Variants in IL6ST observed in about 807,000 individuals in gnomAD.
IL6ST encodes the protein interleukin 6 cytokine family signal transducer, also known as interleukin-6 receptor subunit beta.
Under a neutral mutation model 91.3 loss-of-function variants are expected in IL6ST, and 24 were observed. The ratio of observed to expected loss-of-function variants is 0.26; its 90% CI spans 0.19 to 0.37. IL6ST has a LOEUF of 0.37. Among genes scored for constraint, IL6ST ranks in the 10% least tolerant of loss-of-function variants. The pLI, the probability that IL6ST is intolerant of heterozygous loss-of-function variation, is 1.00. For synonymous variants in IL6ST, 351 were observed against 373.6 expected, an observed-to-expected ratio of 0.94 and a Z score of 0.70; for missense variants, 914 against 1,078.5, an observed-to-expected ratio of 0.85 and a Z score of 2.14.
chr5:55,957,411 C>A, intron 8 of IL6ST, 120 bp from the exon 9 acceptor site: 1 of 497,430 alleles, frequency 2.0e-6, no homozygotes, highest in Non-Finnish European at 3.5e-6. Context: ...GGTGTCTCTA[C>A]CTCTTTATAC....
chr5:55,971,126 A>C (rs1752941777), intron 3 of IL6ST, among the ~76,000 whole-genome samples: 2 of 152,168 alleles, frequency 1.3e-5, no homozygotes, highest in Non-Finnish European at 2.9e-5. Flanking sequence ...CAAAACTATT[A>C]TGTATCATAA....
intron 8 of IL6ST, chr5:55,959,530 G>A: frequency 2.1e-6 from 1 of 467,312 alleles, no homozygotes; most frequent in South Asian, 2.2e-5. Context: ...GCTTTGCAGT[G>A]AGGATCTTAC....
At chr5:55,945,735 A>G (rs1459625782) in intron 15 of IL6ST, among the ~76,000 whole-genome samples, 1 of 117,976 alleles carries the variant, frequency 8.5e-6, no homozygotes, top group African/African-American at 3.2e-5. Flanking sequence ...ACTGCAACCC[A>G]TGCCTCCTGG....
intron 9 of IL6ST, among the ~76,000 whole-genome samples, chr5:55,956,849 CATA>C (rs1426776482): frequency 2.0e-5 from 3 of 152,088 alleles, no homozygotes; most frequent in African/African-American, 7.2e-5. Flanking sequence ...GACCTCCATT[CATA>C]ATACCATACA....
At chr5:55,966,862 A>G (rs1752662253) in intron 5 of IL6ST, among the ~76,000 whole-genome samples, 1 of 152,154 alleles carries the variant, frequency 6.6e-6, no homozygotes, top group Non-Finnish European at 1.5e-5. Flanking sequence ...CCACTGCTCA[A>G]TCTTAGTATC....
intron 2 of IL6ST, among the ~76,000 whole-genome samples, chr5:55,979,709 C>T (rs1320145217): frequency 6.6e-6 from 1 of 152,152 alleles, no homozygotes; most frequent in African/African-American, 2.4e-5. Flanking sequence ...AAAAGCTCTA[C>T]CCAAACAAGG....
Position 55,940,281 on chromosome 5 carries a change from T to C in IL6ST, c.*801A>G, listed in dbSNP as rs1160620969. 1.9e-5 allele frequency: 4 copies of C among 212,938 alleles called. No homozygotes were observed. Among genetic ancestry groups the C allele is most frequent in the Admixed American group, 5.9e-5 (1 of 17,094 alleles). 13.2% of individuals were successfully genotyped at this position (212,938 alleles called of 1,614,324 possible). On this transcript the variant is annotated 3_prime_UTR_variant, in exon 17 of 17. Transcript: ENST00000381298. ...CAATTTAAGCCTTTAAAAATGGCAA[T>C]TTTTTAGATGCTTGAGATAGTTTGG...
At chr5:55,974,152 A>C (rs906249337) in intron 3 of IL6ST, among the ~76,000 whole-genome samples, 2 of 152,206 alleles carry the variant, frequency 1.3e-5, no homozygotes, top group African/African-American at 4.8e-5. Context: ...GATCAAAGTA[A>C]GTATGAGTGC....
chr5:55,953,088 CT>C (rs1751743693), intron 11 of IL6ST, among the ~76,000 whole-genome samples: 1 of 151,928 alleles, frequency 6.6e-6, no homozygotes, highest in African/African-American at 2.4e-5. Context: ...AACAAACTTC[CT>C]TTATTTTTAT....
rs116597813 is a variant in IL6ST at position 55,943,239 on chromosome 5, A to G, written c.1938-488T>C. Reference sequence around the variant, plus strand: ...AATACCTATAACATTTGGAAGTAATATAAAAAGTAGTAAAGCTGACAACCT... The same window carrying G: ...AATACCTATAACATTTGGAAGTAATGTAAAAAGTAGTAAAGCTGACAACCT... On this transcript the variant is annotated intron_variant, in intron 15 of 16. Transcript: ENST00000381298. Among the ~76,000 whole-genome samples the G allele has an allele frequency of 3.4e-3, 518 of 152,328 alleles. 2 individuals are homozygous for G. Among genetic ancestry groups the G allele is most frequent in the African/African-American group, 0.012 (496 of 41,584 alleles).
Position 55,937,040 on chromosome 5 carries a change from TC to T in IL6ST, c.*4041del. The stretch of plus-strand genomic sequence containing the variant: ...TTTTCAAATATCTACCTTTGAAATA[TC>T]CCTTTGTTTCTAACACATCACATTA... On this transcript the variant is annotated 3_prime_UTR_variant, in exon 17 of 17. Transcript: ENST00000381298. The T allele has an allele frequency of 5.0e-6, 1 of 200,936 alleles. No individual in the cohort carries two copies. Among genetic ancestry groups the T allele is most frequent in the Non-Finnish European group, 1.0e-5 (1 of 97,338 alleles). The allele number at this position is 200,936 out of a possible 1,614,324, so 12.4% of individuals were successfully genotyped here.
At chr5:55,944,653 G>A (rs995195615) in intron 15 of IL6ST, 12 of 988,992 alleles carry the variant, frequency 1.2e-5, no homozygotes, top group East Asian at 2.8e-5. Context: ...AAACCTCGGC[G>A]CCATGAGAGC....
chr5:55,965,869 C>T (rs1752601808), intron 5 of IL6ST, among the ~76,000 whole-genome samples: 3 of 148,580 alleles, frequency 2.0e-5, no homozygotes, highest in African/African-American at 7.4e-5. Flanking sequence ...TGCCACTGAT[C>T]AAAGATGGGA....
chr5:55,990,231 G>A (rs1027809943), intron 1 of IL6ST, among the ~76,000 whole-genome samples: 5 of 151,678 alleles, frequency 3.3e-5, no homozygotes, highest in Non-Finnish European at 7.4e-5. Flanking sequence ...CGATCAATCA[G>A]CTAATTTCTT....
intron 16 of IL6ST, 76 bp from the exon 17 acceptor site, chr5:55,941,895 G>GT: frequency 1.7e-6 from 2 of 1,211,334 alleles, no homozygotes; most frequent in South Asian, 1.5e-5. Context: ...AAACTTCCCA[G>GT]TAACTCTCAG....
intron 2 of IL6ST, among the ~76,000 whole-genome samples, chr5:55,981,553 G>C (rs957840212): frequency 6.6e-6 from 1 of 152,110 alleles, no homozygotes; most frequent in Non-Finnish European, 1.5e-5. Flanking sequence ...TGAGGTAGGA[G>C]AATCACTTGA....
intron 2 of IL6ST, among the ~76,000 whole-genome samples, chr5:55,977,577 G>C (rs1753382213): frequency 6.6e-6 from 1 of 152,148 alleles, no homozygotes; most frequent in Admixed American, 6.5e-5. Flanking sequence ...TGTAATCCCA[G>C]CACTTTGGGA....
At chr5:55,991,123 T>C (rs1414341248) in intron 1 of IL6ST, among the ~76,000 whole-genome samples, 1 of 152,230 alleles carries the variant, frequency 6.6e-6, no homozygotes, top group East Asian at 1.9e-4. Flanking sequence ...CCACATTTTC[T>C]TAATCCAGTC....
At chr5:55,980,418 TG>T (rs1362171516) in intron 2 of IL6ST, among the ~76,000 whole-genome samples, 1 of 151,990 alleles carries the variant, frequency 6.6e-6, no homozygotes, top group Non-Finnish European at 1.5e-5. Flanking sequence ...GGCGTGGTGG[TG>T]GGCACCTGTA....
Sources: gnomAD v4.1 joint callset for allele counts (sites outside exome capture counted in the v4.1 genomes callset) on GRCh38, gnomAD v4.1.1 for gene constraint, MANE v1.5 for transcripts, NCBI Gene and HGNC (gene_info 2026-07-23, HGNC 2026-07-21) for gene names.